The following RGMA variants were observed in gnomAD, a reference collection of about 807,000 sequenced individuals.
The protein encoded by RGMA is repulsive guidance molecule A.
In RGMA, 10 loss-of-function variants were observed where a neutral mutation model predicts 23.2. That is an observed-to-expected ratio of 0.43 (90% CI 0.27 to 0.73). The LOEUF is 0.73. RGMA is among the 30% of genes least tolerant of loss of function. The pLI is 0.20. For missense variants in RGMA, 547 were observed against 630.5 expected, an observed-to-expected ratio of 0.87 and a Z score of 1.42; for synonymous variants, 308 against 279.3, an observed-to-expected ratio of 1.10 and a Z score of -1.03.
intron 2 of RGMA, among the ~76,000 whole-genome samples, chr15:93,056,077 C>T (rs1355796072): frequency 1.3e-5 from 2 of 152,208 alleles, no homozygotes; most frequent in African/African-American, 4.8e-5. Flanking sequence ...CGGCAGGCCC[C>T]AGTAGCCCAG....
intron 3 of RGMA, among the ~76,000 whole-genome samples, chr15:93,048,891 C>T (rs1218575517): frequency 3.1e-5 from 2 of 65,352 alleles, no homozygotes; most frequent in African/African-American, 1.3e-4. Flanking sequence ...CAGGGCCACA[C>T]AGACACTGGG....
At chr15:93,088,550 T>G in intron 1 of RGMA, 10 of 1,011,032 alleles carry the variant, frequency 9.9e-6, no homozygotes, top group Admixed American at 1.2e-4. Context: ...CGCGGGCCAA[T>G]GGGGGTTCAC....
chr15:93,056,388 G>A (rs1320762104), intron 2 of RGMA, among the ~76,000 whole-genome samples: 2 of 125,868 alleles, frequency 1.6e-5, no homozygotes, highest in Non-Finnish European at 3.5e-5. Context: ...ATGCAGAGCG[G>A]CTAAGAAGCG....
chr15:93,046,272 C>A (rs2091636), intron 3 of RGMA, among the ~76,000 whole-genome samples: 14,718 of 152,112 alleles, frequency 0.097, 1,007 homozygotes, highest in African/African-American at 0.19. Flanking sequence ...AGGTGATGTG[C>A]TCAACAAGGC....
At chr15:93,078,762 C>T (rs1257756431) in intron 1 of RGMA, among the ~76,000 whole-genome samples, 1 of 152,190 alleles carries the variant, frequency 6.6e-6, no homozygotes, top group Non-Finnish European at 1.5e-5. Context: ...TTGGGTAGAG[C>T]CCAGGTAGAA....
chr15:93,051,126 ACC>A (rs2054911589), intron 3 of RGMA, among the ~76,000 whole-genome samples: 1 of 151,284 alleles, frequency 6.6e-6, no homozygotes, highest in South Asian at 2.1e-4. Context: ...CCAGAAAGTG[ACC>A]CCCTGCAGGC....
intron 3 of RGMA, among the ~76,000 whole-genome samples, chr15:93,049,084 G>C (rs914661968): frequency 5.9e-5 from 9 of 152,078 alleles, no homozygotes; most frequent in African/African-American, 1.7e-4. Context: ...AAGGGGGCCT[G>C]TCGAAAGCTG....
intron 2 of RGMA, among the ~76,000 whole-genome samples, chr15:93,072,216 C>A: frequency 6.6e-6 from 1 of 152,146 alleles, no homozygotes; most frequent in East Asian, 1.9e-4. Flanking sequence ...GGTCCGGGCT[C>A]GGAGGAATTT....
intron 2 of RGMA, among the ~76,000 whole-genome samples, chr15:93,056,550 TCA>T (rs2055017730): frequency 6.6e-6 from 1 of 152,014 alleles, no homozygotes; most frequent in Admixed American, 6.5e-5. Context: ...GTGGCAGAGG[TCA>T]CACTCTGGAA....
intron 3 of RGMA, among the ~76,000 whole-genome samples, chr15:93,050,168 T>C (rs1264140966): frequency 6.6e-6 from 1 of 152,176 alleles, no homozygotes; most frequent in Non-Finnish European, 1.5e-5. Flanking sequence ...TTGCTGGTCT[T>C]TGCTCTTCAC....
chr15:93,037,405 C>T lies in RGMA; in HGVS notation c.*7593G>A, dbSNP rs1413068397. ...CATCCAGGCCCGTGAAACACAAGGT[C>T]CCTCCCCCTAGGCCAGGGCGTGGCG... On this transcript the variant is annotated 3_prime_UTR_variant, in exon 4 of 4. Transcript: ENST00000329082. This position sits in a 1 kb window ranked among gnomAD's most constrained non-coding sequence, Gnocchi z 4.3. 6.6e-6 allele frequency: 1 copy of T among 152,348 alleles called. No individual in the cohort carries two copies. The highest frequency in any genetic ancestry group is 2.4e-5 in the African/African-American group (1 of 41,476). The allele number at this position is 152,348 out of a possible 1,614,324, so 9.4% of individuals were successfully genotyped here.
At chr15:93,073,293 G>A in intron 1 of RGMA, 1 of 723,912 alleles carries the variant, frequency 1.4e-6, no homozygotes, top group Non-Finnish European at 1.8e-6. Context: ...CGAGGCCGGC[G>A]AGGTAGCCGG....
chr15:93,085,976 C>T (rs1311727553), intron 1 of RGMA, among the ~76,000 whole-genome samples: 2 of 152,212 alleles, frequency 1.3e-5, no homozygotes, highest in Non-Finnish European at 1.5e-5. Context: ...TTCATTGCTC[C>T]TTTATAGCTC....
chr15:93,081,663 C>G (rs140498368), intron 1 of RGMA, among the ~76,000 whole-genome samples: 2 of 152,372 alleles, frequency 1.3e-5, no homozygotes, highest in Admixed American at 1.3e-4. Context: ...GTCTCTCTCT[C>G]AACCAACAGA....
chr15:93,065,620 G>T, intron 2 of RGMA: 1 of 849,214 alleles, frequency 1.2e-6, no homozygotes, highest in Non-Finnish European at 1.9e-6. Flanking sequence ...CCCCACTGTT[G>T]ATAGGGGCTG....
chr15:93,069,111 T>A (rs1895243486), intron 2 of RGMA, among the ~76,000 whole-genome samples: 1 of 67,810 alleles, frequency 1.5e-5, no homozygotes, highest in African/African-American at 4.0e-5. Context: ...GATGCATTTT[T>A]TTTTTGTTTG....
intron 3 of RGMA, among the ~76,000 whole-genome samples, chr15:93,048,166 G>T (rs1173732191): frequency 6.6e-6 from 1 of 152,180 alleles, no homozygotes; most frequent in East Asian, 1.9e-4. Context: ...GGTGCCCCTG[G>T]CCGTGTTGCT....
At chr15:93,088,377 G>A (rs1407732600) in intron 1 of RGMA, 3 of 985,388 alleles carry the variant, frequency 3.0e-6, no homozygotes, top group Non-Finnish European at 3.6e-6. Flanking sequence ...GGCATCCTCG[G>A]CCCTCAATCC....
chr15:93,087,577 A>G (rs953183911), intron 1 of RGMA, among the ~76,000 whole-genome samples: 3 of 151,658 alleles, frequency 2.0e-5, no homozygotes, highest in East Asian at 1.9e-4. Context: ...TTCGGAGCAC[A>G]GTTACTCTCT....
Sources: gnomAD v4.1 joint callset for allele counts (sites outside exome capture counted in the v4.1 genomes callset) on GRCh38, gnomAD v4.1.1 for gene constraint, Gnocchi (gnomAD v3.1) non-coding constraint, MANE v1.5 for transcripts, NCBI Gene and HGNC (gene_info 2026-07-23, HGNC 2026-07-21) for gene names.